The following DNAH11 variants were observed in gnomAD, a reference collection of about 807,000 sequenced individuals.
DNAH11 encodes the protein axonemal beta dynein heavy chain 11.
DNAH11 carries 442 observed loss-of-function variants against 526.0 expected under a neutral mutation model. The observed-to-expected ratio is 0.84, with a 90% CI of 0.78 to 0.91. The LOEUF is 0.91. DNAH11 is among the 40% of genes least tolerant of loss of function. DNAH11 has a pLI of 0.00. For missense variants in DNAH11, 6,989 were observed against 5,448.7 expected (o/e 1.28, Z -8.90); for synonymous variants, 2,461 against 1,935.9 (o/e 1.27, Z -7.12).
chr7:21,691,966 C>T (rs1040550225), intron 35 of DNAH11, among the ~76,000 whole-genome samples: 1 of 152,056 alleles, frequency 6.6e-6, no homozygotes, highest in African/African-American at 2.4e-5. Context: ...TATTGATGAC[C>T]TGCTTTTCAA....
At chr7:21,548,130 A>T (rs535565654) in intron 2 of DNAH11, among the ~76,000 whole-genome samples, 2 of 129,816 alleles carry the variant, frequency 1.5e-5, no homozygotes, top group Admixed American at 1.4e-4. Context: ...ATTTTTTGCT[A>T]GTTTGTTGGC....
chr7:21,789,708 A>C (rs1252782027), intron 61 of DNAH11, among the ~76,000 whole-genome samples: 2 of 151,868 alleles, frequency 1.3e-5, no homozygotes, highest in African/African-American at 2.4e-5. Flanking sequence ...AACCTCTATG[A>C]GCCTCTGTTT....
At chr7:21,884,474 T>C in intron 76 of DNAH11, 64 bp downstream of exon 76, 1 of 1,485,398 alleles carries the variant, frequency 6.7e-7, no homozygotes, top group Non-Finnish European at 9.1e-7. Flanking sequence ...GGTAAGAATT[T>C]TATAAACTAA....
In DNAH11 at chr7:21,588,119, G is replaced by C. The variant is rs74726192; in HGVS notation, c.1766G>C (p.Ser589Thr). The C allele has an allele frequency of 6.2e-7, 1 of 1,613,388 alleles. No homozygotes were observed. Among genetic ancestry groups the C allele is most frequent in the African/African-American group, 1.3e-5 (1 of 75,018 alleles). ...LEKPVVMEIFSLHYSTLVHMF... is the reference protein window; with the variant it reads ...LEKPVVMEIFTLHYSTLVHMF... ...AAGCCAGTTGTCATGGAAATTTTCA[G>C]CCTACATTACAGCACACTAGTGCAT... The change falls in exon 10 of 82, where the codon AGC becomes ACC. Residue 589 changes from serine to threonine, a missense_variant. By Grantham distance (58) the Ser-to-Thr change is moderately conservative. Transcript: ENST00000409508.
chr7:21,730,286 C>G (rs1437554226), intron 45 of DNAH11, among the ~76,000 whole-genome samples: 1 of 152,170 alleles, frequency 6.6e-6, no homozygotes, highest in Non-Finnish European at 1.5e-5. Context: ...CAATGGCATA[C>G]AGGTTGAGCA....
rs149426236 is a variant in DNAH11 at position 21,872,541 on chromosome 7, G to A, written c.11968-733G>A. Reference sequence around the variant, plus strand: ...TCTCCAAAGCCAGAGAACATGTAAGGTGCAGCCTTTATATCTCCCTCCCAG... The same window carrying A: ...TCTCCAAAGCCAGAGAACATGTAAGATGCAGCCTTTATATCTCCCTCCCAG... On this transcript the variant is annotated intron_variant, in intron 73 of 81. Coordinates refer to ENST00000409508, the MANE Select transcript of DNAH11 (RefSeq NM_001277115.2). Among the ~76,000 whole-genome samples, 463 of 152,242 alleles carry A rather than the reference G, an allele frequency of 3.0e-3. 2 individuals carry two copies. Among genetic ancestry groups the A allele is most frequent in the Non-Finnish European group, 5.2e-3 (353 of 68,020 alleles).
At chr7:21,821,199 T>C (rs1452052451) in intron 65 of DNAH11, among the ~76,000 whole-genome samples, 1 of 152,174 alleles carries the variant, frequency 6.6e-6, no homozygotes. Context: ...AGAGTAAGTG[T>C]AGGGAAAGAA....
chr7:21,888,477 G>C (rs1470178127), intron 76 of DNAH11, among the ~76,000 whole-genome samples: 1 of 151,996 alleles, frequency 6.6e-6, no homozygotes, highest in African/African-American at 2.4e-5. Flanking sequence ...TTTCAACAAA[G>C]ATGATTTCAA....
intron 61 of DNAH11, among the ~76,000 whole-genome samples, chr7:21,790,415 A>C (rs983424285): frequency 1.3e-5 from 2 of 152,154 alleles, no homozygotes; most frequent in Admixed American, 1.3e-4. Flanking sequence ...ACACCACTGC[A>C]CTCCAGCCTG....
intron 54 of DNAH11, among the ~76,000 whole-genome samples, chr7:21,760,841 A>G (rs6461599): frequency 0.19 from 26,045 of 136,878 alleles, 2,545 homozygotes; most frequent in East Asian, 0.31. Context: ...TGTATTCCAG[A>G]TATTAACCAA....
At chr7:21,714,005 G>A (rs528843858) in intron 42 of DNAH11, among the ~76,000 whole-genome samples, 2 of 152,248 alleles carry the variant, frequency 1.3e-5, no homozygotes, top group East Asian at 3.9e-4. Flanking sequence ...ACAGTGCGTG[G>A]CAGCATTCAT....
intron 65 of DNAH11, among the ~76,000 whole-genome samples, chr7:21,837,484 C>T (rs545634700): frequency 5.3e-5 from 8 of 152,186 alleles, no homozygotes; most frequent in African/African-American, 1.9e-4. Flanking sequence ...CATAAAAAGA[C>T]AAATACTGCC....
rs552675105 is a variant in DNAH11, at chr7:21,866,454, C to G, written c.11497-16C>G. 98 of 1,600,236 alleles carry G rather than the reference C, an allele frequency of 6.1e-5. No homozygotes were observed. In the East Asian group the frequency reaches 1.1e-3, roughly 17 times the overall value. ...TCGTTCACACCATTCCTACTTGTTTCCCTATCATATTACAGGCAATTGCCG... is the reference window on the plus strand; with the variant it reads ...TCGTTCACACCATTCCTACTTGTTTGCCTATCATATTACAGGCAATTGCCG... On this transcript the variant is annotated splice_polypyrimidine_tract_variant and intron_variant, in intron 70 of 81. Coordinates refer to ENST00000409508, the MANE Select transcript of DNAH11 (RefSeq NM_001277115.2).
At chr7:21,687,011 CTTAAA>C in intron 32 of DNAH11, 83 bp from the exon 33 acceptor site, 1 of 1,315,490 alleles carries the variant, frequency 7.6e-7, no homozygotes. Flanking sequence ...TCTAGAGCTT[CTTAAA>C]CTTTTTTTCT....
rs114284144 is a variant in DNAH11 at position 21,744,842 on chromosome 7, C to G, written c.8317-28C>G. 9.3e-4 allele frequency: 1,467 copies of G among 1,585,748 alleles called. 16 individuals carry two copies. The African/African-American group carries it at 0.018, about 20-fold the overall frequency. ...TGGACCTCTATGGATGGTTGACATG[C>G]CATATTTTTCTCTTTCTCATCCTGC... On this transcript the variant is annotated intron_variant, in intron 50 of 81. Transcript: ENST00000409508.
At chr7:21,891,190 T>C (rs778522269) in intron 76 of DNAH11, among the ~76,000 whole-genome samples, 3 of 152,134 alleles carry the variant, frequency 2.0e-5, no homozygotes, top group Non-Finnish European at 4.4e-5. Flanking sequence ...TGGGTACATA[T>C]TACTGAATGA....
In DNAH11 at chr7:21,623,566, A is replaced by G. The variant is rs1469940647; in HGVS notation, c.4500+3488A>G. On this transcript the variant is annotated intron_variant, in intron 25 of 81. Transcript: ENST00000409508. ...AATAGCAAAGACTTGGAACCAACCC[A>G]AATGTCCAACAATGATAGACTGGAT... Among the ~76,000 whole-genome samples the G allele has an allele frequency of 5.3e-5, 8 of 152,288 alleles. No individual in the cohort carries two copies. The East Asian group carries it at 1.5e-3, about 29-fold the overall frequency.
chr7:21,733,506 A>G (rs771579563), intron 45 of DNAH11, among the ~76,000 whole-genome samples: 1 of 152,216 alleles, frequency 6.6e-6, no homozygotes, highest in South Asian at 2.1e-4. Flanking sequence ...GCTACCTACA[A>G]GTATGATCTA....
intron 14 of DNAH11, among the ~76,000 whole-genome samples, chr7:21,592,742 G>T (rs181559970): frequency 6.6e-6 from 1 of 152,222 alleles, no homozygotes; most frequent in Non-Finnish European, 1.5e-5. Flanking sequence ...TTTGATGGCA[G>T]AGCCAGCAGA....
Sources: gnomAD v4.1 joint callset for allele counts (sites outside exome capture counted in the v4.1 genomes callset) on GRCh38, gnomAD v4.1.1 for gene constraint, MANE v1.5 for transcripts, NCBI Gene and HGNC (gene_info 2026-07-23, HGNC 2026-07-21) for gene names.